ADGRL2: variants seen among roughly 807,000 people sequenced by gnomAD.
The protein encoded by ADGRL2 is adhesion G protein-coupled receptor L2, also known as calcium-independent alpha-latrotoxin receptor 2.
A neutral mutation model predicts 157.4 loss-of-function variants in ADGRL2; 44 were observed. That is an observed-to-expected ratio of 0.28 (90% CI 0.22 to 0.36). ADGRL2 has a LOEUF of 0.36. Among genes scored for constraint, ADGRL2 ranks in the 10% least tolerant of loss-of-function variants. The pLI, the probability that ADGRL2 is intolerant of heterozygous loss-of-function variation, is 1.00. For synonymous variants in ADGRL2, 585 were observed against 624.7 expected (o/e 0.94, Z 0.95); for missense variants, 1,510 against 1,768.9 (o/e 0.85, Z 2.63).
chr1:81,529,844 A>C (rs1289363843), intron 2 of ADGRL2, among the ~76,000 whole-genome samples: 1 of 152,202 alleles, frequency 6.6e-6, no homozygotes, highest in Non-Finnish European at 1.5e-5. Context: ...TTTCACCATC[A>C]CACCATACAG....
chr1:81,619,908 A>G (rs1194729288), intron 3 of ADGRL2, among the ~76,000 whole-genome samples: 1 of 151,696 alleles, frequency 6.6e-6, no homozygotes. Context: ...TGAGCAAGTT[A>G]CCTAGCTTCT....
At chr1:81,935,310 A>T (rs1266041816) in intron 3 of ADGRL2, among the ~76,000 whole-genome samples, 1 of 151,948 alleles carries the variant, frequency 6.6e-6, no homozygotes, top group Non-Finnish European at 1.5e-5. Context: ...GTATATTTCT[A>T]AAAAAACACT....
upstream of ADGRL2, among the ~76,000 whole-genome samples, chr1:81,696,523 C>A (rs186823520): frequency 2.2e-4 from 34 of 152,194 alleles, 1 homozygote; most frequent in East Asian, 5.6e-3. Flanking sequence ...GAGGCTGAGG[C>A]GGGCGGATCA....
At chr1:81,765,047 A>G (rs1056308956) in intron 2 of ADGRL2, among the ~76,000 whole-genome samples, 55 of 152,100 alleles carry the variant, frequency 3.6e-4, no homozygotes, top group African/African-American at 1.3e-3. Flanking sequence ...TTCCTTCTAT[A>G]TTACTATTTT....
rs570031983 is a variant in ADGRL2 at position 81,345,637 on chromosome 1, G to GA, written c.-302+39134dup. On this transcript the variant is annotated intron_variant, in intron 1 of 24. Coordinates refer to the ADGRL2 transcript ENST00000370721. ...TGCAACAGAATCTGTACAGCACCTA[G>GA]AAAAAACAGGTGAATTGTTTTAGTC... is the stretch of plus-strand genomic sequence containing the variant. Among the ~76,000 whole-genome samples, 768 of 152,138 alleles carry GA rather than the reference G, an allele frequency of 5.0e-3. 8 individuals carry two copies. Among genetic ancestry groups the GA allele is most frequent in the African/African-American group, 0.018 (743 of 41,516 alleles).
At chr1:81,752,792 T>C (rs1256537307) in intron 1 of ADGRL2, among the ~76,000 whole-genome samples, 1 of 152,236 alleles carries the variant, frequency 6.6e-6, no homozygotes, top group Non-Finnish European at 1.5e-5. Flanking sequence ...CCTTTTAATA[T>C]ACTTCCTTTA....
chr1:81,490,786 C>T (rs2078615263), intron 2 of ADGRL2, among the ~76,000 whole-genome samples: 1 of 152,154 alleles, frequency 6.6e-6, no homozygotes, highest in African/African-American at 2.4e-5. Flanking sequence ...TAGTCCTAAG[C>T]ATATCCTTTA....
At chr1:81,340,346 C>T (rs1210636551) in intron 1 of ADGRL2, among the ~76,000 whole-genome samples, 1 of 152,142 alleles carries the variant, frequency 6.6e-6, no homozygotes, top group African/African-American at 2.4e-5. Flanking sequence ...AATATCCAAG[C>T]TTCTGCTTTT....
chr1:81,618,154 T>A (rs1333915419), intron 3 of ADGRL2, among the ~76,000 whole-genome samples: 1 of 152,192 alleles, frequency 6.6e-6, no homozygotes, highest in Non-Finnish European at 1.5e-5. Context: ...AATCGGTATA[T>A]TAAGTGATTT....
At chr1:81,669,355 T>C (rs2082818568) in intron 3 of ADGRL2, among the ~76,000 whole-genome samples, 1 of 152,088 alleles carries the variant, frequency 6.6e-6, no homozygotes, top group Non-Finnish European at 1.5e-5. Flanking sequence ...CTCAATGCTG[T>C]AGTGTGCTAT....
chr1:81,901,830 A>G (rs966983566), intron 2 of ADGRL2, among the ~76,000 whole-genome samples: 1 of 152,292 alleles, frequency 6.6e-6, no homozygotes, highest in East Asian at 1.9e-4. Flanking sequence ...TTTTCAGGAA[A>G]ATAGTGTAAA....
intron 2 of ADGRL2, among the ~76,000 whole-genome samples, chr1:81,515,639 G>A (rs927650760): frequency 6.6e-6 from 1 of 152,068 alleles, no homozygotes; most frequent in Non-Finnish European, 1.5e-5. Context: ...AATGATGTAT[G>A]TTTATTGTGG....
intron 1 of ADGRL2, among the ~76,000 whole-genome samples, chr1:81,339,091 T>C (rs989891759): frequency 8.5e-5 from 13 of 152,184 alleles, no homozygotes; most frequent in African/African-American, 3.1e-4. Context: ...TAGATTCCCA[T>C]AGTGTCTTGT....
chr1:81,556,025 A>G (rs918500722), intron 2 of ADGRL2, among the ~76,000 whole-genome samples: 14 of 152,038 alleles, frequency 9.2e-5, no homozygotes, highest in African/African-American at 3.4e-4. Flanking sequence ...ACCACACAAA[A>G]TATAAACTTA....
chr1:81,404,341 A>G (rs991912220), intron 1 of ADGRL2, among the ~76,000 whole-genome samples: 3 of 152,166 alleles, frequency 2.0e-5, no homozygotes, highest in African/African-American at 7.2e-5. Context: ...TTAAATGAGA[A>G]TATTTTACAG....
intron 3 of ADGRL2, among the ~76,000 whole-genome samples, chr1:81,617,337 C>T (rs2081680789): frequency 6.6e-6 from 1 of 152,202 alleles, no homozygotes; most frequent in East Asian, 1.9e-4. Context: ...TCCTCCCCAC[C>T]CTTCCTACCT....
At chr1:81,493,239 G>T (rs1439244611) in intron 2 of ADGRL2, among the ~76,000 whole-genome samples, 2 of 152,206 alleles carry the variant, frequency 1.3e-5, no homozygotes, top group African/African-American at 4.8e-5. Flanking sequence ...GCAATAGCAT[G>T]ATAGCTCAGC....
At chr1:81,810,172 A>T (rs2089677497) in intron 1 of ADGRL2, among the ~76,000 whole-genome samples, 1 of 151,966 alleles carries the variant, frequency 6.6e-6, no homozygotes, top group African/African-American at 2.4e-5. Context: ...TTCTAATTCT[A>T]ATCATTTATT....
At chr1:81,631,143 C>T (rs1461707147) in intron 3 of ADGRL2, among the ~76,000 whole-genome samples, 1 of 152,054 alleles carries the variant, frequency 6.6e-6, no homozygotes, top group Non-Finnish European at 1.5e-5. Context: ...TCATGTCACT[C>T]ACTGGCCCCA....
Sources: allele counts gnomAD v4.1 joint callset (sites outside exome capture counted in the v4.1 genomes callset), GRCh38; gene constraint gnomAD v4.1.1; transcripts MANE v1.5; gene names NCBI Gene and HGNC (gene_info 2026-07-23, HGNC 2026-07-21).